The following CASP8 variants were observed in gnomAD, a reference collection of about 807,000 sequenced individuals.
The protein encoded by CASP8 is caspase 8.
CASP8 carries 24 observed loss-of-function variants against 46.3 expected under a neutral mutation model. The ratio of observed to expected loss-of-function variants is 0.52; its 90% CI spans 0.38 to 0.73. The LOEUF is 0.73. Among genes scored for constraint, CASP8 ranks in the 30% least tolerant of loss-of-function variants. The pLI, the probability that CASP8 is intolerant of heterozygous loss-of-function variation, is 0.00. For synonymous variants in CASP8, 188 were observed against 200.4 expected (o/e 0.94, Z 0.52); for missense variants, 460 against 559.0 (o/e 0.82, Z 1.79).
chr2:201,273,476 C>T (rs1243032493), intron 5 of CASP8, among the ~76,000 whole-genome samples: 2 of 151,982 alleles, frequency 1.3e-5, no homozygotes, highest in Non-Finnish European at 2.9e-5. Flanking sequence ...TTCTCCTTGA[C>T]GTGCTGCTCA....
chr2:201,261,745 T>C (rs1336683489), intron 1 of CASP8, among the ~76,000 whole-genome samples: 1 of 152,130 alleles, frequency 6.6e-6, no homozygotes, highest in Non-Finnish European at 1.5e-5. Context: ...TGAGAGCGAG[T>C]GGCTTTCAGG....
At chr2:201,263,461 G>T (rs769393887) in intron 1 of CASP8, among the ~76,000 whole-genome samples, 77 of 152,230 alleles carry the variant, frequency 5.1e-4, no homozygotes, top group Non-Finnish European at 9.6e-4. Context: ...TTATACTACA[G>T]AAATATGATG....
Position 201,274,881 on chromosome 2 carries a change from G to A in CASP8, c.596-8G>A. The A allele has an allele frequency of 6.2e-7, 1 of 1,609,844 alleles. No individual in the cohort carries two copies. Among genetic ancestry groups the A allele is most frequent in the Non-Finnish European group, 8.5e-7 (1 of 1,176,178 alleles). ...CTCATTCTAGATGTGTCTCTTCGTT[G>A]TTTGCAGGGGAGGAGTTGTGTGGGG... On this transcript the variant is annotated splice_polypyrimidine_tract_variant and splice_region_variant and intron_variant, in intron 5 of 8. Transcript: ENST00000673742.
At chr2:201,256,914 G>A (rs1156418325), upstream of CASP8, among the ~76,000 whole-genome samples, 1 of 152,226 alleles carries the variant, frequency 6.6e-6, no homozygotes, top group Admixed American at 6.5e-5. Flanking sequence ...GCCAGGCCGA[G>A]GCGGGTGGAT....
In CASP8 at chr2:201,266,537, A is replaced by G; in HGVS notation, c.51A>G (p.Glu17=). 1 of 1,614,180 alleles carries G rather than the reference A, an allele frequency of 6.2e-7. No homozygotes were observed. Among genetic ancestry groups the G allele is most frequent in the Non-Finnish European group, 8.5e-7 (1 of 1,179,998 alleles). ...LYDIGEQLDS[E]DLASLKFLSL... ...ATATTGGGGAACAACTGGACAGTGA[A>G]GATCTGGCCTCCCTCAAGTTCCTGA... The change falls in exon 2 of 9, where the codon GAA becomes GAG. Residue 17 remains glutamate, a synonymous_variant. Transcript: ENST00000673742. The surrounding 1 kb of genome is among the most constrained non-coding windows in gnomAD (Gnocchi z 5.7).
chr2:201,268,421 C>T (rs924010014), intron 2 of CASP8, among the ~76,000 whole-genome samples: 2 of 152,028 alleles, frequency 1.3e-5, no homozygotes, highest in Non-Finnish European at 2.9e-5. Context: ...TGTGGCGGCT[C>T]ACGCCTGTAA....
intron 6 of CASP8, 83 bp from the exon 7 acceptor site, chr2:201,276,744 T>C: frequency 6.3e-7 from 1 of 1,585,616 alleles, no homozygotes; most frequent in Non-Finnish European, 8.6e-7. Context: ...GGAAAGCAAG[T>C]CCTCTTACTA....
In CASP8 at chr2:201,266,897, C is replaced by A; in HGVS notation, c.305+106C>A. The A allele has an allele frequency of 1.4e-6, 1 of 715,356 alleles. No homozygotes were observed. The highest frequency in any genetic ancestry group is 2.3e-6 in the Non-Finnish European group (1 of 436,178). 44.3% of individuals were successfully genotyped at this position (715,356 alleles called of 1,614,324 possible). A position where few individuals can be genotyped will look rare whatever the true frequency, so the allele number is the denominator to read the frequency against. On this transcript the variant is annotated intron_variant, in intron 2 of 8. Coordinates refer to ENST00000673742, the MANE Select transcript of CASP8 (RefSeq NM_001372051.1). This position sits in a 1 kb window ranked among gnomAD's most constrained non-coding sequence, Gnocchi z 5.7. ...GGTACCCTGCCTAGTGCCTGGGAAC[C>A]CAGCAGTGCCACAATTCTAAGCTTC... is the stretch of plus-strand genomic sequence containing the variant.
intron 3 of CASP8, among the ~76,000 whole-genome samples, chr2:201,271,994 C>T (rs566889077): frequency 2.6e-5 from 4 of 151,790 alleles, no homozygotes; most frequent in Non-Finnish European, 2.9e-5. Flanking sequence ...TGTGTATTTC[C>T]GTGTCTGTGT....
rs1948543242 is a variant in CASP8 at position 201,275,090 on chromosome 2, A to T, written c.660+137A>T. 3 of 692,916 alleles carry T rather than the reference A, an allele frequency of 4.3e-6. No homozygotes were observed. In the Admixed American group the frequency reaches 8.3e-5, roughly 19 times the overall value. The allele number at this position is 692,916 out of a possible 1,614,324, so 42.9% of individuals were successfully genotyped here. A position where few individuals can be genotyped will look rare whatever the true frequency, so the allele number is the denominator to read the frequency against. The stretch of plus-strand genomic sequence containing the variant: ...CTGAAAATTTTGAGAACTGTAGAAA[A>T]AATTCACACAAAAAAAGTTAAAAAT... On this transcript the variant is annotated intron_variant, in intron 6 of 8. Coordinates refer to ENST00000673742, the MANE Select transcript of CASP8 (RefSeq NM_001372051.1).
At chr2:201,264,582 C>T (rs1947660872) in intron 1 of CASP8, among the ~76,000 whole-genome samples, 1 of 152,080 alleles carries the variant, frequency 6.6e-6, no homozygotes, top group African/African-American at 2.4e-5. Flanking sequence ...TTGCAATAGA[C>T]CTGATTATTT....
At chr2:201,286,348 C>A in intron 8 of CASP8, 111 bp from the exon 9 acceptor site, 1 of 1,346,492 alleles carries the variant, frequency 7.4e-7, no homozygotes, top group East Asian at 2.3e-5. Flanking sequence ...TTTCAAATGA[C>A]TGATATTTTG....
intron 1 of CASP8, among the ~76,000 whole-genome samples, chr2:201,264,032 T>G (rs927809845): frequency 6.6e-6 from 1 of 152,258 alleles, no homozygotes; most frequent in African/African-American, 2.4e-5. Context: ...AGGAACTTCC[T>G]GTGCATTTTT....
At chr2:201,258,190 G>T (rs1488428251), upstream of CASP8, 3 of 1,601,260 alleles carry the variant, frequency 1.9e-6, no homozygotes, top group Non-Finnish European at 2.6e-6. Context: ...TTTTTTTCAA[G>T]CCCTGCTGAA....
At chr2:201,256,228 G>A (rs973206302), upstream of CASP8, among the ~76,000 whole-genome samples, 5 of 152,224 alleles carry the variant, frequency 3.3e-5, no homozygotes, top group Non-Finnish European at 5.9e-5. Flanking sequence ...TCATGGCTAT[G>A]CATTAATGTT....
At chr2:201,239,739 T>A (rs1272323031) in intron 2 of CASP8, among the ~76,000 whole-genome samples, 1 of 152,208 alleles carries the variant, frequency 6.6e-6, no homozygotes, top group Non-Finnish European at 1.5e-5. Context: ...TGTTGAGGCG[T>A]CACGGGTGGC....
intron 1 of CASP8, among the ~76,000 whole-genome samples, chr2:201,263,498 T>C (rs1422003256): frequency 2.0e-5 from 3 of 152,220 alleles, no homozygotes; most frequent in African/African-American, 7.2e-5. Flanking sequence ...AAAATGTGTA[T>C]GCATAAAATA....
At chr2:201,246,116 G>A (rs912638201) in intron 2 of CASP8, among the ~76,000 whole-genome samples, 3 of 152,112 alleles carry the variant, frequency 2.0e-5, no homozygotes, top group African/African-American at 7.2e-5. Flanking sequence ...TGCCTGCCTT[G>A]GCCTCCCAAA....
At position 201,272,386 on chromosome 2, in the gene CASP8, C is replaced by T. The variant is rs945507933; in HGVS notation, c.412-252C>T. ...AATGCATTCGCAGGAGATTTGAGCACAGGGCCTGGGGACTGGGTGACATCT... is the reference window on the plus strand; with the variant it reads ...AATGCATTCGCAGGAGATTTGAGCATAGGGCCTGGGGACTGGGTGACATCT... On this transcript the variant is annotated intron_variant, in intron 3 of 8. Transcript: ENST00000673742. This position sits in a 1 kb window ranked among gnomAD's most constrained non-coding sequence, Gnocchi z 4.4. Among the ~76,000 whole-genome samples the T allele has an allele frequency of 2.0e-5, 3 of 152,044 alleles. No homozygotes were observed. The highest frequency in any genetic ancestry group is 4.4e-5 in the Non-Finnish European group (3 of 68,004).
Sources: allele counts gnomAD v4.1 joint callset (sites outside exome capture counted in the v4.1 genomes callset), GRCh38; gene constraint gnomAD v4.1.1; non-coding constraint Gnocchi (gnomAD v3.1); transcripts MANE v1.5; gene names NCBI Gene and HGNC (gene_info 2026-07-23, HGNC 2026-07-21).